TOX: variants seen among roughly 807,000 people sequenced by gnomAD.
TOX encodes the protein thymocyte selection associated high mobility group box.
TOX carries 11 observed loss-of-function variants against 53.7 expected under a neutral mutation model. The ratio of observed to expected loss-of-function variants is 0.20; its 90% CI spans 0.13 to 0.34. The LOEUF (loss-of-function observed/expected upper bound fraction) is 0.34, where lower values mean the gene tolerates loss of function less well. Ranked by LOEUF, TOX falls within the 10% of genes least tolerant of loss-of-function variation. The pLI is 1.00. For missense variants in TOX, 570 were observed against 664.6 expected (o/e 0.86, Z 1.56); for synonymous variants, 225 against 245.3 (o/e 0.92, Z 0.77).
chr8:58,853,129 T>C (rs1810854109), intron 3 of TOX, among the ~76,000 whole-genome samples: 1 of 152,174 alleles, frequency 6.6e-6, no homozygotes, highest in Non-Finnish European at 1.5e-5. Context: ...ATTTACTGCC[T>C]CCACCATGAG....
chr8:59,011,838 C>G (rs1813910882), intron 1 of TOX, among the ~76,000 whole-genome samples: 1 of 152,166 alleles, frequency 6.6e-6, no homozygotes, highest in African/African-American at 2.4e-5. Flanking sequence ...CTTAATGTCT[C>G]TCCTGCCTGC....
intron 1 of TOX, among the ~76,000 whole-genome samples, chr8:59,112,805 T>C (rs1480493230): frequency 6.6e-6 from 1 of 152,238 alleles, no homozygotes; most frequent in Non-Finnish European, 1.5e-5. Context: ...TGCTACAATC[T>C]TGTTTTCTGA....
At chr8:58,991,992 G>A (rs912891548) in intron 1 of TOX, 4 of 152,210 alleles carry the variant, frequency 2.6e-5, no homozygotes, top group African/African-American at 4.8e-5. Context: ...CGGAGCCCTC[G>A]TTACACTAGT....
chr8:58,971,914 C>T (rs1322148484), intron 1 of TOX, among the ~76,000 whole-genome samples: 1 of 152,218 alleles, frequency 6.6e-6, no homozygotes, highest in Non-Finnish European at 1.5e-5. Flanking sequence ...TGGTCTTGAA[C>T]TCCTGACCTT....
chr8:58,928,269 G>A (rs147769072), intron 3 of TOX, among the ~76,000 whole-genome samples: 43 of 152,216 alleles, frequency 2.8e-4, no homozygotes, highest in African/African-American at 9.9e-4. Context: ...GGCCAGCCTT[G>A]TGTGCTATGG....
chr8:58,813,550 A>G (rs1810121175), intron 7 of TOX, among the ~76,000 whole-genome samples: 1 of 152,206 alleles, frequency 6.6e-6, no homozygotes, highest in African/African-American at 2.4e-5. Context: ...ATACCCAAGT[A>G]TGTCCCTTTA....
intron 1 of TOX, among the ~76,000 whole-genome samples, chr8:59,030,968 TATTA>T (rs1379467213): frequency 1.3e-5 from 2 of 152,224 alleles, no homozygotes; most frequent in Admixed American, 6.5e-5. Flanking sequence ...ATCACATTCA[TATTA>T]ATTGTTAGTC....
At chr8:58,837,185 A>G (rs1365004379) in intron 5 of TOX, among the ~76,000 whole-genome samples, 1 of 152,182 alleles carries the variant, frequency 6.6e-6, no homozygotes, top group Non-Finnish European at 1.5e-5. Context: ...TGGTGTCTCT[A>G]ATTAAGAATA....
At chr8:59,084,947 T>C (rs1045552670) in intron 1 of TOX, among the ~76,000 whole-genome samples, 20 of 152,216 alleles carry the variant, frequency 1.3e-4, no homozygotes, top group Non-Finnish European at 2.5e-4. Context: ...GAAATGGATA[T>C]ATCAATGGAT....
chr8:58,995,639 A>G (rs1468915049), intron 1 of TOX, among the ~76,000 whole-genome samples: 1 of 152,240 alleles, frequency 6.6e-6, no homozygotes, highest in Non-Finnish European at 1.5e-5. Flanking sequence ...AATACACACA[A>G]AAGTGATTAC....
At chr8:59,019,851 G>A (rs1814089224) in intron 1 of TOX, among the ~76,000 whole-genome samples, 1 of 151,952 alleles carries the variant, frequency 6.6e-6, no homozygotes, top group Non-Finnish European at 1.5e-5. Flanking sequence ...TCTACAATTC[G>A]GCCATGTAAC....
At chr8:58,939,669 A>C (rs1585913125) in intron 2 of TOX, 125 bp from the exon 3 acceptor site, 1 of 1,332,908 alleles carries the variant, frequency 7.5e-7, no homozygotes, top group Admixed American at 2.6e-5. Flanking sequence ...GACATTTCAA[A>C]CCTTCAGATT....
chr8:58,973,454 T>C (rs141717781), intron 1 of TOX, among the ~76,000 whole-genome samples: 1 of 152,356 alleles, frequency 6.6e-6, no homozygotes, highest in African/African-American at 2.4e-5. Context: ...ATATGCATTC[T>C]GAATAAAGCC....
At chr8:58,896,888 T>C (rs1409709994) in intron 3 of TOX, among the ~76,000 whole-genome samples, 1 of 152,184 alleles carries the variant, frequency 6.6e-6, no homozygotes, top group African/African-American at 2.4e-5. Flanking sequence ...TTTATTACTG[T>C]AACATATTCC....
At chr8:58,870,300 A>C (rs1264362290) in intron 3 of TOX, among the ~76,000 whole-genome samples, 2 of 152,186 alleles carry the variant, frequency 1.3e-5, no homozygotes, top group Admixed American at 1.3e-4. Context: ...TACCATTTAC[A>C]ACAGCACTCC....
At chr8:58,909,933 C>G (rs949876643) in intron 3 of TOX, among the ~76,000 whole-genome samples, 2 of 152,118 alleles carry the variant, frequency 1.3e-5, no homozygotes, top group African/African-American at 4.8e-5. Context: ...GCTGGGATTA[C>G]AGGTGTGAGC....
Position 58,900,905 on chromosome 8 carries a change from AT to A in TOX, c.411+38396del, listed in dbSNP as rs149244446. On this transcript the variant is annotated intron_variant, in intron 3 of 8. Coordinates refer to ENST00000361421, the MANE Select transcript of TOX (RefSeq NM_014729.3). ...AATGAATTTTTACAAATAGAGTAAG[AT>A]TTTTAAAATCCATTCTTCTCTTGCA... Among the ~76,000 whole-genome samples the A allele has an allele frequency of 1.1e-4, 17 of 152,216 alleles. No homozygotes were observed. In the East Asian group the frequency reaches 3.3e-3, roughly 29 times the overall value.
chr8:58,987,308 G>A lies in TOX; in HGVS notation c.103-27300C>T, dbSNP rs140833524. 2.0e-5 allele frequency among the ~76,000 whole-genome samples: 3 copies of A among 152,284 alleles called. No individual in the cohort carries two copies. The East Asian group carries it at 5.8e-4, about 29-fold the overall frequency. ...ACTGGCCTTCCCCCCAGCACTGTGAGGAGAAAGGAAGCAAATGCAGGTGGC... is the reference window on the plus strand; with the variant it reads ...ACTGGCCTTCCCCCCAGCACTGTGAAGAGAAAGGAAGCAAATGCAGGTGGC... On this transcript the variant is annotated intron_variant, in intron 1 of 8. Transcript: ENST00000361421.
At chr8:58,906,443 G>A (rs182919775) in intron 3 of TOX, among the ~76,000 whole-genome samples, 9 of 152,308 alleles carry the variant, frequency 5.9e-5, no homozygotes, top group East Asian at 5.8e-4. Flanking sequence ...GGAGTTCTAC[G>A]TCACATTATA....
Sources: allele counts gnomAD v4.1 joint callset (sites outside exome capture counted in the v4.1 genomes callset), GRCh38; gene constraint gnomAD v4.1.1; transcripts MANE v1.5; gene names NCBI Gene and HGNC (gene_info 2026-07-23, HGNC 2026-07-21).